Variants in NAA16 observed in about 807,000 individuals in gnomAD.
NAA16 encodes NARG1-like protein.
NAA16 carries 97 observed loss-of-function variants against 110.3 expected under a neutral mutation model. The observed-to-expected ratio is 0.88, with a 90% confidence interval of 0.75 to 1.04. The LOEUF is 1.04. NAA16 is among the 50% of genes least tolerant of loss of function. The pLI is 0.00. For missense variants in NAA16, 1,017 were observed against 1,005.1 expected, an observed-to-expected ratio of 1.01 and a Z score of -0.16; for synonymous variants, 372 against 330.6, an observed-to-expected ratio of 1.13 and a Z score of -1.36.
intron 12 of NAA16, 46 bp from the exon 13 acceptor site, chr13:41,361,985 C>T: frequency 2.5e-6 from 4 of 1,587,460 alleles, no homozygotes; most frequent in East Asian, 2.3e-5. Flanking sequence ...TTTTTAGGAT[C>T]TCTTTCATTG....
rs1203693906 is a variant in NAA16 at position 41,359,012 on chromosome 13, G to A, written c.1410+50G>A. 4.8e-6 allele frequency: 7 copies of A among 1,456,620 alleles called. No homozygotes were observed. In the East Asian group the frequency reaches 1.2e-4, roughly 24 times the overall value. 90.2% of individuals were successfully genotyped at this position (1,456,620 alleles called of 1,614,324 possible). On this transcript the variant is annotated intron_variant, in intron 12 of 19. Transcript: ENST00000379406. ...GTAATTGTCTAAATTAAGACAGTTT[G>A]TGAAGTTTGTCTAAATTAAGACAGT... is the stretch of plus-strand genomic sequence containing the variant.
At chr13:41,371,863 AT>A (rs1360107604) in intron 15 of NAA16, among the ~76,000 whole-genome samples, 1 of 151,776 alleles carries the variant, frequency 6.6e-6, no homozygotes, top group Non-Finnish European at 1.5e-5. Context: ...ATTTGATGCC[AT>A]TTTTTTTGTC....
chr13:41,317,663 A>T (rs1450341609), intron 2 of NAA16, among the ~76,000 whole-genome samples: 7 of 152,208 alleles, frequency 4.6e-5, no homozygotes, highest in Admixed American at 4.6e-4. Context: ...AGAAATCTTC[A>T]TTTCATAGAA....
chr13:41,357,552 C>T (rs1324383534), intron 10 of NAA16, among the ~76,000 whole-genome samples: 1 of 152,164 alleles, frequency 6.6e-6, no homozygotes, highest in African/African-American at 2.4e-5. Context: ...GTCATTTGAT[C>T]AGCTATGCTA....
At chr13:41,375,358 G>A (rs754933959) in intron 19 of NAA16, 47 bp from the exon 20 acceptor site, 4 of 1,403,608 alleles carry the variant, frequency 2.8e-6, no homozygotes, top group African/African-American at 1.4e-5. Context: ...TATTAACTGC[G>A]AGCTTATTAT....
chr13:41,349,195 C>G (rs538310574), intron 9 of NAA16, among the ~76,000 whole-genome samples: 1 of 149,740 alleles, frequency 6.7e-6, no homozygotes, highest in South Asian at 2.1e-4. Context: ...TTTTTTAAAT[C>G]TTTGTTTAGA....
At chr13:41,373,888 T>A in intron 18 of NAA16, 108 bp downstream of exon 18, 1 of 1,396,676 alleles carries the variant, frequency 7.2e-7, no homozygotes, top group South Asian at 1.8e-5. Flanking sequence ...TGTGTAAGTA[T>A]GGGGAGAGAA....
intron 5 of NAA16, among the ~76,000 whole-genome samples, chr13:41,325,221 C>G (rs2042059964): frequency 6.6e-6 from 1 of 151,940 alleles, no homozygotes; most frequent in South Asian, 2.1e-4. Context: ...TCCCAAAGAC[C>G]TGGGGTTACA....
Position 41,369,166 on chromosome 13 carries a change from A to G in NAA16, c.1830A>G (p.Glu610=). Reference sequence around the variant, plus strand: ...CTCAGAAAAAGGCTAAACTAGAAGAAGAAAGAAAGCATGCAGAAAGAGAAC... The same window carrying G: ...CTCAGAAAAAGGCTAAACTAGAAGAGGAAAGAAAGCATGCAGAAAGAGAAC... ...RRAQKKAKLE[E]ERKHAERERQ... The change falls in exon 15 of 20, where the codon GAA becomes GAG. Residue 610 remains glutamate, a synonymous_variant. Coordinates refer to ENST00000379406, the MANE Select transcript of NAA16 (RefSeq NM_024561.5). 6.3e-7 allele frequency: 1 copy of G among 1,597,862 alleles called. No homozygotes were observed. The highest frequency in any genetic ancestry group is 8.5e-7 in the Non-Finnish European group (1 of 1,174,470).
intron 1 of NAA16, among the ~76,000 whole-genome samples, chr13:41,313,780 CTCTG>C (rs1011010330): frequency 2.0e-5 from 3 of 151,852 alleles, no homozygotes; most frequent in Admixed American, 6.6e-5. Context: ...GGCTAAGGTT[CTCTG>C]TCTGGTTAGT....
At chr13:41,338,351 C>A (rs968387182) in intron 9 of NAA16, among the ~76,000 whole-genome samples, 2 of 152,050 alleles carry the variant, frequency 1.3e-5, no homozygotes, top group African/African-American at 4.8e-5. Context: ...TTTAAAAATT[C>A]TTCTAATATT....
intron 9 of NAA16, among the ~76,000 whole-genome samples, chr13:41,340,152 C>G (rs1327847562): frequency 6.6e-6 from 1 of 151,892 alleles, no homozygotes; most frequent in Non-Finnish European, 1.5e-5. Flanking sequence ...GTGTCCTGTC[C>G]ATAACAGATA....
intron 15 of NAA16, among the ~76,000 whole-genome samples, chr13:41,371,774 G>A (rs1487263290): frequency 2.6e-5 from 4 of 152,204 alleles, no homozygotes; most frequent in East Asian, 3.9e-4. Context: ...CTGGGGGTGG[G>A]TCAGCTCCCC....
At chr13:41,346,744 A>G (rs1016371403) in intron 9 of NAA16, among the ~76,000 whole-genome samples, 1 of 152,136 alleles carries the variant, frequency 6.6e-6, no homozygotes, top group African/African-American at 2.4e-5. Flanking sequence ...TATTAAAGAC[A>G]TACTCCTAGC....
chr13:41,316,848 A>G lies in NAA16; in HGVS notation c.57A>G (p.Lys19=). ...CTTTTGTTCATATTTCTTTACAGAA[A>G]TGTTATGAACAGAAGCAGTACAAAA... is the stretch of plus-strand genomic sequence containing the variant. ...KESNLFKRIL[K]CYEQKQYKNG... The change falls in exon 2 of 20, where the codon AAA becomes AAG. Residue 19 remains lysine, a splice_region_variant and synonymous_variant. Coordinates refer to ENST00000379406, the MANE Select transcript of NAA16 (RefSeq NM_024561.5). 6.2e-7 allele frequency: 1 copy of G among 1,606,828 alleles called. No homozygotes were observed. Among genetic ancestry groups the G allele is most frequent in the South Asian group, 1.1e-5 (1 of 90,946 alleles).
intron 9 of NAA16, among the ~76,000 whole-genome samples, chr13:41,353,739 C>T (rs1174141248): frequency 6.6e-6 from 1 of 150,424 alleles, no homozygotes; most frequent in Non-Finnish European, 1.5e-5. Context: ...TGCACTCCAG[C>T]CTAGGTGACA....
Position 41,311,353 on chromosome 13 carries a change from C to T in NAA16, c.-176C>T, listed in dbSNP as rs1382772874. 2 of 614,740 alleles carry T rather than the reference C, an allele frequency of 3.3e-6. No individual in the cohort carries two copies. Among genetic ancestry groups the T allele is most frequent in the African/African-American group, 1.9e-5 (1 of 52,090 alleles). The allele number at this position is 614,740 out of a possible 1,614,324, so 38.1% of individuals were successfully genotyped here. ...TCCTGCTCAGACCGCCTTCCTTCTC[C>T]ATTGCCACCCGTGCCGAACAGCCAG... On this transcript the variant is annotated 5_prime_UTR_variant, in exon 1 of 20. Transcript: ENST00000379406.
chr13:41,374,514 G>A (rs2043389985), intron 18 of NAA16: 1 of 337,892 alleles, frequency 3.0e-6, no homozygotes, highest in Non-Finnish European at 5.4e-6. Context: ...CTGATTTGTA[G>A]TGTATTTTCA....
intron 12 of NAA16, 43 bp from the exon 13 acceptor site, chr13:41,361,988 T>C: frequency 6.3e-7 from 1 of 1,595,970 alleles, no homozygotes; most frequent in Non-Finnish European, 8.5e-7. Context: ...TTAGGATCTC[T>C]TTCATTGTTT....
Sources: gnomAD v4.1 joint callset for allele counts (sites outside exome capture counted in the v4.1 genomes callset) on GRCh38, gnomAD v4.1.1 for gene constraint, MANE v1.5 for transcripts, NCBI Gene and HGNC (gene_info 2026-07-23, HGNC 2026-07-21) for gene names.